Variants in LHX4 observed in about 807,000 individuals in gnomAD.
LHX4 encodes the protein LIM homeobox 4.
Under a neutral mutation model 39.2 loss-of-function variants are expected in LHX4, and 16 were observed. The observed-to-expected ratio is 0.41, with a 90% confidence interval of 0.28 to 0.62. LHX4 has a LOEUF of 0.62. Ranked by LOEUF, LHX4 falls within the 20% of genes least tolerant of loss-of-function variation. LHX4 has a pLI of 0.33. For missense variants in LHX4, 439 were observed against 511.9 expected, an observed-to-expected ratio of 0.86 and a Z score of 1.37; for synonymous variants, 206 against 198.1, an observed-to-expected ratio of 1.04 and a Z score of -0.33.
chr1:180,248,309 A>G lies in LHX4; in HGVS notation c.101A>G (p.Asn34Ser), dbSNP rs1013133453. 4 of 1,614,030 alleles carry G rather than the reference A, an allele frequency of 2.5e-6. No individual in the cohort carries two copies. Among genetic ancestry groups the G allele is most frequent in the Non-Finnish European group, 3.4e-6 (4 of 1,180,034 alleles). Residue 34 changes from asparagine (N) to serine (S), a missense_variant, in exon 2 of 6, where the codon AAC (asparagine) becomes AGC (serine). By Grantham distance (46) the Asn-to-Ser change is conservative. Coordinates refer to ENST00000263726, the MANE Select transcript of LHX4 (RefSeq NM_033343.4). ...MQQIPQCAGCNQHILDKFILK... is the reference protein window; with the variant it reads ...MQQIPQCAGCSQHILDKFILK... ...GAGATTCCCCAGTGCGCTGGCTGCA[A>G]CCAGCACATCCTGGACAAGTTCATC...
At chr1:180,236,727 A>G (rs369419001) in intron 1 of LHX4, among the ~76,000 whole-genome samples, 26 of 152,212 alleles carry the variant, frequency 1.7e-4, no homozygotes, top group African/African-American at 6.3e-4. Flanking sequence ...TTTTCTTTCA[A>G]TTAAGGAAAT....
rs924378191 is a variant in LHX4, at chr1:180,274,847, C to A, written c.*268C>A. On this transcript the variant is annotated 3_prime_UTR_variant, in exon 6 of 6. Coordinates refer to ENST00000263726, the MANE Select transcript of LHX4 (RefSeq NM_033343.4). ...AGGGACACTGGCTTGTTGGGTCTCTCCCCTGCTGTTCTGCTTAGGGGCTTG... is the reference window on the plus strand; with the variant it reads ...AGGGACACTGGCTTGTTGGGTCTCTACCCTGCTGTTCTGCTTAGGGGCTTG... 7 of 393,834 alleles carry A rather than the reference C, an allele frequency of 1.8e-5. No homozygotes were observed. In the Admixed American group the frequency reaches 2.8e-4, roughly 15 times the overall value. The allele number at this position is 393,834 out of a possible 1,614,324, so 24.4% of individuals were successfully genotyped here. A position where few individuals can be genotyped will look rare whatever the true frequency, so the allele number is the denominator to read the frequency against.
intron 1 of LHX4, among the ~76,000 whole-genome samples, chr1:180,238,355 T>C (rs1664372650): frequency 6.6e-6 from 1 of 152,180 alleles, no homozygotes; most frequent in Non-Finnish European, 1.5e-5. Flanking sequence ...ATTTCTGATG[T>C]AAGAAGGATT....
At chr1:180,241,995 T>C (rs1664452984) in intron 1 of LHX4, among the ~76,000 whole-genome samples, 1 of 152,014 alleles carries the variant, frequency 6.6e-6, no homozygotes, top group Non-Finnish European at 1.5e-5. Flanking sequence ...TTTTTTTTTT[T>C]CTGTAGAGAC....
Position 180,271,565 on chromosome 1 carries a change from G to A in LHX4, c.606+31G>A, listed in dbSNP as rs752362672. On this transcript the variant is annotated intron_variant, in intron 4 of 5. Coordinates refer to ENST00000263726, the MANE Select transcript of LHX4 (RefSeq NM_033343.4). ...ATGCCAGCACTCCTGTGCCCTCCGGGGATCCCAGGCCCGGGACAGGGGTGG... is the reference window on the plus strand; with the variant it reads ...ATGCCAGCACTCCTGTGCCCTCCGGAGATCCCAGGCCCGGGACAGGGGTGG... The A allele has an allele frequency of 2.5e-6, 4 of 1,613,208 alleles. No individual in the cohort carries two copies. The East Asian group carries it at 8.9e-5, about 36-fold the overall frequency.
In LHX4 at chr1:180,271,558, C is replaced by A. The variant is rs772600686; in HGVS notation, c.606+24C>A. 62 of 1,613,356 alleles carry A rather than the reference C, an allele frequency of 3.8e-5. 1 individual carries two copies. The South Asian group carries it at 6.7e-4, about 17-fold the overall frequency. On this transcript the variant is annotated intron_variant, in intron 4 of 5. Transcript: ENST00000263726. Reference sequence around the variant, plus strand: ...AGGTGAGATGCCAGCACTCCTGTGCCCTCCGGGGATCCCAGGCCCGGGACA... The same window carrying A: ...AGGTGAGATGCCAGCACTCCTGTGCACTCCGGGGATCCCAGGCCCGGGACA...
chr1:180,248,613 G>C lies in LHX4; in HGVS notation c.248+157G>C, dbSNP rs1240826880. 3 of 775,134 alleles carry C rather than the reference G, an allele frequency of 3.9e-6. 1 individual carries two copies. In the Admixed American group the frequency reaches 6.0e-5, roughly 16 times the overall value. The allele number at this position is 775,134 out of a possible 1,614,324, so 48.0% of individuals were successfully genotyped here. A position where few individuals can be genotyped will look rare whatever the true frequency, so the allele number is the denominator to read the frequency against. On this transcript the variant is annotated intron_variant, in intron 2 of 5. Coordinates refer to ENST00000263726, the MANE Select transcript of LHX4 (RefSeq NM_033343.4). ...AGCTGAGAGGATGCCCCTTGTTGAG[G>C]TCCCCCTTCTGATCACTGGCCCATC...
chr1:180,240,569 TC>T (rs1664423239), intron 1 of LHX4, among the ~76,000 whole-genome samples: 1 of 152,210 alleles, frequency 6.6e-6, no homozygotes, highest in South Asian at 2.1e-4. Context: ...ACACCATTTT[TC>T]AAATAATTAA....
rs1649088675 is a variant in LHX4 at position 180,277,225 on chromosome 1, G to A, written c.*2646G>A. 6.6e-6 allele frequency: 1 copy of A among 152,232 alleles called. No individual in the cohort carries two copies. The highest frequency in any genetic ancestry group is 6.5e-5 in the Admixed American group (1 of 15,286). The allele number at this position is 152,232 out of a possible 1,614,324, so 9.4% of individuals were successfully genotyped here. A position where few individuals can be genotyped will look rare whatever the true frequency, so the allele number is the denominator to read the frequency against. On this transcript the variant is annotated 3_prime_UTR_variant, in exon 6 of 6. Transcript: ENST00000263726. Reference sequence around the variant, plus strand: ...TTATGGGTGGGCTGGTGCCACTAATGAGCCATTGCATGACAGGACTCTTCT... The same window carrying A: ...TTATGGGTGGGCTGGTGCCACTAATAAGCCATTGCATGACAGGACTCTTCT...
chr1:180,253,380 G>A (rs553295030), intron 2 of LHX4, among the ~76,000 whole-genome samples: 1 of 152,340 alleles, frequency 6.6e-6, no homozygotes, highest in South Asian at 2.1e-4. Flanking sequence ...AGACCTCTTG[G>A]AGCTGGGTTC....
chr1:180,258,654 A>G (rs1647973955), intron 2 of LHX4, among the ~76,000 whole-genome samples: 1 of 152,122 alleles, frequency 6.6e-6, no homozygotes, highest in South Asian at 2.1e-4. Context: ...AATTTTGAGT[A>G]GAAGCTGGGC....
At chr1:180,230,168 A>T, upstream of LHX4, 1 of 353,758 alleles carries the variant, frequency 2.8e-6, no homozygotes, top group Middle Eastern at 9.2e-4. This position sits in a 1 kb window ranked among gnomAD's most constrained non-coding sequence, Gnocchi z 5.8. Flanking sequence ...AATGAATCAA[A>T]ACGCCCGGGT....
chr1:180,266,641 G>C lies in LHX4; in HGVS notation c.451+47G>C. ...GGTCCCCTCTCCAGGCCTTTGTTTGGGCCACGCCCTCTGCCTGAGGTGCCC... is the reference window on the plus strand; with the variant it reads ...GGTCCCCTCTCCAGGCCTTTGTTTGCGCCACGCCCTCTGCCTGAGGTGCCC... On this transcript the variant is annotated intron_variant, in intron 3 of 5. Coordinates refer to ENST00000263726, the MANE Select transcript of LHX4 (RefSeq NM_033343.4). The surrounding 1 kb of genome is among the most constrained non-coding windows in gnomAD (Gnocchi z 5.7). The C allele has an allele frequency of 6.3e-7, 1 of 1,582,586 alleles. No individual in the cohort carries two copies. The highest frequency in any genetic ancestry group is 8.6e-7 in the Non-Finnish European group (1 of 1,158,644).
At position 180,234,302 on chromosome 1, in the gene LHX4, G is replaced by A. The variant is rs959128553; in HGVS notation, c.76+3697G>A. On this transcript the variant is annotated intron_variant, in intron 1 of 5. Transcript: ENST00000263726. This position sits in a 1 kb window ranked among gnomAD's most constrained non-coding sequence, Gnocchi z 4.8. ...ATAGACCTCCCTCCCTGCGTCGCGA[G>A]AATATATTCTCAGGCAGGAGACAAT... Among the ~76,000 whole-genome samples, 2 of 150,320 alleles carry A rather than the reference G, an allele frequency of 1.3e-5. No individual in the cohort carries two copies. Among genetic ancestry groups the A allele is most frequent in the African/African-American group, 4.9e-5 (2 of 40,842 alleles).
At chr1:180,250,503 C>T (rs540891565) in intron 2 of LHX4, among the ~76,000 whole-genome samples, 1 of 152,272 alleles carries the variant, frequency 6.6e-6, no homozygotes, top group Non-Finnish European at 1.5e-5. Context: ...ATGCCTGCAC[C>T]TTTGGAAAGC....
chr1:180,234,220 T>TATATATATATATATATAAAA lies in LHX4; in HGVS notation c.76+3616_76+3617insTATATATATATATATAAAAA, dbSNP rs1389328209. Reference sequence around the variant, plus strand: ...ATATATATATATATATATATATATATAATAGATTGAGATTCTATCATATTC... The same window carrying TATATATATATATATATAAAA: ...ATATATATATATATATATATATATATATATATATATATATATAAAAAATAGATTGAGATTCTATCATATTC... On this transcript the variant is annotated intron_variant, in intron 1 of 5. Coordinates refer to ENST00000263726, the MANE Select transcript of LHX4 (RefSeq NM_033343.4). This position sits in a 1 kb window ranked among gnomAD's most constrained non-coding sequence, Gnocchi z 4.8. Among the ~76,000 whole-genome samples, 1 of 70,230 alleles carries TATATATATATATATATAAAA rather than the reference T, an allele frequency of 1.4e-5. No homozygotes were observed. Among genetic ancestry groups the TATATATATATATATATAAAA allele is most frequent in the African/African-American group, 7.6e-5 (1 of 13,230 alleles). 46.1% of individuals were successfully genotyped at this position (70,230 alleles called of 152,430 possible).
rs1664257880 is a variant in LHX4 at position 180,234,215 on chromosome 1, A to ATG, written c.76+3611_76+3612insGT. ...TATATATATATATATATATATATAT[A>ATG]TATATAATAGATTGAGATTCTATCA... On this transcript the variant is annotated intron_variant, in intron 1 of 5. Transcript: ENST00000263726. This position sits in a 1 kb window ranked among gnomAD's most constrained non-coding sequence, Gnocchi z 4.8. Among the ~76,000 whole-genome samples the ATG allele has an allele frequency of 1.4e-5, 1 of 73,764 alleles. No individual in the cohort carries two copies. The highest frequency in any genetic ancestry group is 7.1e-4 in the South Asian group (1 of 1,404). The allele number at this position is 73,764 out of a possible 152,430, so 48.4% of individuals were successfully genotyped here.
At chr1:180,248,238 G>T in intron 1 of LHX4, 47 bp from the exon 2 acceptor site, 1 of 1,602,832 alleles carries the variant, frequency 6.2e-7, no homozygotes, top group South Asian at 1.1e-5. Flanking sequence ...CTGGTTAGCA[G>T]GGCTGTGTGG....
rs1467104710 is a variant in LHX4, at chr1:180,266,292, C to T, written c.249-100C>T. The T allele has an allele frequency of 3.5e-6, 4 of 1,140,938 alleles. No homozygotes were observed. The highest frequency in any genetic ancestry group is 5.3e-6 in the Non-Finnish European group (4 of 759,836). 70.7% of individuals were successfully genotyped at this position (1,140,938 alleles called of 1,614,324 possible). ...GACTGGGGGGTGAGGCTCATGGAGT[C>T]CCGGAGTGGTGGGGTAGGAGGGAGG... On this transcript the variant is annotated intron_variant, in intron 2 of 5. Transcript: ENST00000263726. The surrounding 1 kb of genome is among the most constrained non-coding windows in gnomAD (Gnocchi z 5.7).
Sources: gnomAD v4.1 joint callset for allele counts (sites outside exome capture counted in the v4.1 genomes callset) on GRCh38, gnomAD v4.1.1 for gene constraint, Gnocchi (gnomAD v3.1) non-coding constraint, MANE v1.5 for transcripts, NCBI Gene and HGNC (gene_info 2026-07-23, HGNC 2026-07-21) for gene names.